Variants in OVCH2 observed in about 807,000 individuals in gnomAD.
OVCH2 encodes the protein ovochymase 2.
OVCH2 carries 88 observed loss-of-function variants against 73.7 expected under a neutral mutation model. The observed-to-expected ratio is 1.19, with a 90% CI of 1.01 to 1.43. The LOEUF is 1.43. Among genes scored for constraint, OVCH2 ranks in the 40% most tolerant of loss-of-function variants. OVCH2 has a pLI of 0.00. For missense variants in OVCH2, 706 were observed against 674.5 expected, an observed-to-expected ratio of 1.05 and a Z score of -0.52; for synonymous variants, 265 against 234.5, an observed-to-expected ratio of 1.13 and a Z score of -1.19.
At chr11:7,690,367 T>G (rs1200475654) in intron 14 of OVCH2, among the ~76,000 whole-genome samples, 1 of 152,242 alleles carries the variant, frequency 6.6e-6, no homozygotes, top group African/African-American at 2.4e-5. Context: ...CTCTGTTATG[T>G]ACTGCACACT....
At chr11:7,703,578 A>G in intron 3 of OVCH2, 120 bp downstream of exon 3, 1 of 736,842 alleles carries the variant, frequency 1.4e-6, no homozygotes, top group East Asian at 3.1e-5. Flanking sequence ...TAGGATATTC[A>G]TCTGTTAAAC....
In OVCH2 at chr11:7,695,176, C is replaced by T; in HGVS notation, c.1295G>A (p.Ser432Asn). The T allele has an allele frequency of 3.2e-6, 5 of 1,557,136 alleles. No homozygotes were observed. Among genetic ancestry groups the T allele is most frequent in the Non-Finnish European group, 4.3e-6 (5 of 1,152,296 alleles). The stretch of plus-strand genomic sequence containing the variant: ...TTCTTCAAAAAGGACAGTTAAGTAA[C>T]TGCAACCTGAATCTGAAACGTAAGA... ...KPNYIPDSGC[S>N]YLTVLFEEGL... The change falls in exon 12 of 16, where the codon AGT becomes AAT. Residue 432 changes from serine to asparagine, a missense_variant. Coordinates refer to ENST00000533663, the MANE Select transcript of OVCH2 (RefSeq NM_198185.7).
chr11:7,689,779 T>A, intron 15 of OVCH2, 145 bp downstream of exon 15: 1 of 697,844 alleles, frequency 1.4e-6, no homozygotes, highest in Non-Finnish European at 2.6e-6. Flanking sequence ...ACCCTATCTC[T>A]AAATAAGGTC....
chr11:7,681,831 A>G, the OVCH2 span, among the ~76,000 whole-genome samples: 1 of 142,974 alleles, frequency 7.0e-6, no homozygotes, highest in Non-Finnish European at 1.5e-5. Context: ...GGCTTCCAGG[A>G]CGGGGAGAAG....
rs761189694 is a variant in OVCH2, at chr11:7,691,413, C to G, written c.1508-13G>C. 6 of 1,607,396 alleles carry G rather than the reference C, an allele frequency of 3.7e-6. No individual in the cohort carries two copies. In the African/African-American group the frequency reaches 8.0e-5, roughly 22 times the overall value. On this transcript the variant is annotated splice_polypyrimidine_tract_variant and intron_variant, in intron 13 of 15. Coordinates refer to ENST00000533663, the MANE Select transcript of OVCH2 (RefSeq NM_198185.7). Reference sequence around the variant, plus strand: ...CCACACAGCCGAGCTTGTTGAAGGCCAGCCCAGGCATGACATTGTCAAGCA... The same window carrying G: ...CCACACAGCCGAGCTTGTTGAAGGCGAGCCCAGGCATGACATTGTCAAGCA...
intron 3 of OVCH2, 93 bp downstream of exon 3, chr11:7,703,605 C>T: frequency 9.9e-7 from 1 of 1,009,950 alleles, no homozygotes; most frequent in Non-Finnish European, 1.4e-6. Context: ...TCACCTATCA[C>T]ACAGGTCCAT....
chr11:7,689,837 G>A lies in OVCH2; in HGVS notation c.*31+87C>T. On this transcript the variant is annotated intron_variant, in intron 15 of 15. Coordinates refer to ENST00000533663, the MANE Select transcript of OVCH2 (RefSeq NM_198185.7). ...AGGACTCTAGTATATTTTGGAGGAA[G>A]ATGGAATTAAATCCATATCACCTGC... is the stretch of plus-strand genomic sequence containing the variant. 3 of 811,602 alleles carry A rather than the reference G, an allele frequency of 3.7e-6. No homozygotes were observed. In the East Asian group the frequency reaches 8.0e-5, roughly 22 times the overall value. 50.3% of individuals were successfully genotyped at this position (811,602 alleles called of 1,614,324 possible).
intron 12 of OVCH2, among the ~76,000 whole-genome samples, chr11:7,693,562 G>T (rs1856261985): frequency 6.6e-6 from 1 of 152,200 alleles, no homozygotes; most frequent in Non-Finnish European, 1.5e-5. Flanking sequence ...GGCATTTTCA[G>T]ATTTTCAACT....
intron 12 of OVCH2, among the ~76,000 whole-genome samples, chr11:7,692,857 T>C (rs1446598726): frequency 6.6e-6 from 1 of 152,252 alleles, no homozygotes; most frequent in Non-Finnish European, 1.5e-5. Context: ...TTTCTATAAT[T>C]GTGATGCTTA....
intron 10 of OVCH2, 22 bp downstream of exon 10, chr11:7,696,443 G>C (rs760429108): frequency 1.2e-6 from 2 of 1,613,672 alleles, no homozygotes; most frequent in Non-Finnish European, 1.7e-6. Context: ...GTTTCCATTT[G>C]ACACTGTGAA....
chr11:7,703,378 T>C (rs10839850), intron 3 of OVCH2, among the ~76,000 whole-genome samples: 34,824 of 152,160 alleles, frequency 0.23, 4,754 homozygotes, highest in Non-Finnish European at 0.32. Flanking sequence ...ATTTTTTCAC[T>C]GAAATTTAAG....
At chr11:7,693,276 G>A (rs1227179712) in intron 12 of OVCH2, among the ~76,000 whole-genome samples, 1 of 152,220 alleles carries the variant, frequency 6.6e-6, no homozygotes, top group Non-Finnish European at 1.5e-5. Context: ...TAATGGTAAA[G>A]GTAGGCGTGG....
Position 7,698,608 on chromosome 11 carries a change from A to C in OVCH2, c.925+142T>G, listed in dbSNP as rs1260347668. The C allele has an allele frequency of 4.0e-6, 3 of 740,846 alleles. No individual in the cohort carries two copies. The East Asian group carries it at 9.1e-5, about 22-fold the overall frequency. The allele number at this position is 740,846 out of a possible 1,614,324, so 45.9% of individuals were successfully genotyped here. On this transcript the variant is annotated intron_variant, in intron 8 of 15. Transcript: ENST00000533663. ...GCAACTGGGGCTTCTGCTGGGCATA[A>C]TGGCTGTAGGTGCTCCAGGTGGTAG... is the stretch of plus-strand genomic sequence containing the variant.
At position 7,695,713 on chromosome 11, in the gene OVCH2, G is replaced by A; in HGVS notation, c.1142-3C>T. On this transcript the variant is annotated splice_region_variant and splice_polypyrimidine_tract_variant and intron_variant, in intron 10 of 15. Coordinates refer to ENST00000533663, the MANE Select transcript of OVCH2 (RefSeq NM_198185.7). ...GAGGCTTTCTCCACAAAATTTTCCT[G>A]CAGGATGAGAAAAAAGGATTCTTTG... 1 of 1,588,970 alleles carries A rather than the reference G, an allele frequency of 6.3e-7. No homozygotes were observed. Among genetic ancestry groups the A allele is most frequent in the Admixed American group, 1.7e-5 (1 of 57,654 alleles).
intron 12 of OVCH2, 130 bp downstream of exon 12, chr11:7,694,928 T>C: frequency 9.6e-7 from 1 of 1,039,708 alleles, no homozygotes; most frequent in Non-Finnish European, 1.4e-6. Flanking sequence ...GCTTTGTGTG[T>C]CAGGTGCTGG....
At chr11:7,702,102 C>T (rs960430786) in intron 4 of OVCH2, 55 bp downstream of exon 4, 3 of 1,457,572 alleles carry the variant, frequency 2.1e-6, no homozygotes, top group African/African-American at 2.8e-5. Context: ...TGCTATGGCA[C>T]AGAGGTTATA....
chr11:7,697,004 T>G, intron 8 of OVCH2: 1 of 571,042 alleles, frequency 1.8e-6, no homozygotes, highest in East Asian at 2.9e-5. Context: ...TATGATTGGT[T>G]TTCTTTCCTT....
chr11:7,680,192 GT>G, the OVCH2 span, among the ~76,000 whole-genome samples: 1,934 of 152,296 alleles, frequency 0.013, 42 homozygotes, highest in African/African-American at 0.045. Context: ...GGCATCCGAG[GT>G]GGGTGGCAGT....
chr11:7,703,179 G>C (rs1856475228), intron 3 of OVCH2, among the ~76,000 whole-genome samples: 1 of 152,178 alleles, frequency 6.6e-6, no homozygotes, highest in African/African-American at 2.4e-5. Context: ...TTACAGCCTA[G>C]TATACGCCCA....
Sources: gnomAD v4.1 joint callset for allele counts (sites outside exome capture counted in the v4.1 genomes callset) on GRCh38, gnomAD v4.1.1 for gene constraint, MANE v1.5 for transcripts, NCBI Gene and HGNC (gene_info 2026-07-23, HGNC 2026-07-21) for gene names.